PLXNB3: variants seen among roughly 807,000 people sequenced by gnomAD.
PLXNB3 encodes the protein plexin-B3.
Under a neutral mutation model 125.7 loss-of-function variants are expected in PLXNB3, and 80 were observed. The ratio of observed to expected loss-of-function variants is 0.64; its 90% CI spans 0.53 to 0.77. PLXNB3 has a LOEUF of 0.77. PLXNB3 is among the 30% of genes least tolerant of loss of function. The pLI, the probability that PLXNB3 is intolerant of heterozygous loss-of-function variation, is 0.00. For synonymous variants in PLXNB3, 954 were observed against 783.3 expected (o/e 1.22, Z -3.64); for missense variants, 1,836 against 1,729.3 (o/e 1.06, Z -1.09).
chrX:153,776,092 A>T lies in PLXNB3; in HGVS notation c.4607A>T (p.Gln1536Leu), dbSNP rs1414126396. The T allele has an allele frequency of 1.7e-6, 2 of 1,196,489 alleles. No individual in the cohort carries two copies. Among genetic ancestry groups the T allele is most frequent in the African/African-American group, 1.8e-5 (1 of 56,753 alleles). The change falls in exon 27 of 36, where the codon CAG becomes CTG. Residue 1536 changes from glutamine (Q) to leucine (L), a missense_variant. Coordinates refer to ENST00000361971, the MANE Select transcript of PLXNB3 (RefSeq NM_005393.3). ...AGGAAGSSEM[Q>L]RVPARVLDTD... ...GGGGCCGCAGGCAGCAGCGAGATGC[A>T]GCGCGTGCCAGCCCGGGTGCTCGAC...
chrX:153,768,916 T>G (rs782171654), intron 4 of PLXNB3, 32 bp from the exon 5 acceptor site: 3 of 1,197,323 alleles, frequency 2.5e-6, no homozygotes, highest in Non-Finnish European at 3.4e-6. Flanking sequence ...TTTGGCCATC[T>G]GGCCCAGCCT....
At position 153,774,821 on chromosome X, in the gene PLXNB3, G is replaced by T. The variant is rs369592915; in HGVS notation, c.3931+15G>T. ...GGAGTTCACAGGTGGGTGCGGAGGCGGGGGGACAGGGTACCCACGAGGCCT... is the reference window on the plus strand; with the variant it reads ...GGAGTTCACAGGTGGGTGCGGAGGCTGGGGGACAGGGTACCCACGAGGCCT... On this transcript the variant is annotated intron_variant, in intron 23 of 35. Coordinates refer to ENST00000361971, the MANE Select transcript of PLXNB3 (RefSeq NM_005393.3). The T allele has an allele frequency of 8.3e-7, 1 of 1,209,079 alleles. No individual in the cohort carries two copies.
chrX:153,772,880 C>G lies in PLXNB3; in HGVS notation c.2776-6C>G. 1 of 1,119,762 alleles carries G rather than the reference C, an allele frequency of 8.9e-7. No homozygotes were observed. The highest frequency in any genetic ancestry group is 1.2e-6 in the Non-Finnish European group (1 of 856,274). The allele number at this position is 1,119,762 out of a possible 1,213,427, so 92.3% of individuals were successfully genotyped here. On this transcript the variant is annotated splice_polypyrimidine_tract_variant and splice_region_variant and intron_variant, in intron 16 of 35. Coordinates refer to ENST00000361971, the MANE Select transcript of PLXNB3 (RefSeq NM_005393.3). ...CCGTGCCTACCCAGCCTGCGCTGTT[C>G]GCCAGGACCCTGTCCTGCTGAGCCT...
chrX:153,767,309 G>T lies in PLXNB3; in HGVS notation c.482G>T (p.Gly161Val), dbSNP rs1557059599. Reference sequence around the variant, plus strand: ...TACCAGGCTGAGGACCCTGGTGACGGGCAGTTTGTGGCTGCCAATACCCCG... The same window carrying T: ...TACCAGGCTGAGGACCCTGGTGACGTGCAGTTTGTGGCTGCCAATACCCCG... ...VLYQAEDPGD[G>V]QFVAANTPGV... The change falls in exon 3 of 36, where the codon GGG (glycine) becomes GTG (valine). Residue 161 changes from glycine (G) to valine (V), a missense_variant. By Grantham distance (109) the Gly-to-Val change is moderately radical (BLOSUM62 -3). Transcript: ENST00000361971. 1 of 1,205,282 alleles carries T rather than the reference G, an allele frequency of 8.3e-7. No homozygotes were observed. The highest frequency in any genetic ancestry group is 2.2e-5 in the Admixed American group (1 of 45,568).
rs1557063575 is a variant in PLXNB3 at position 153,775,079 on chromosome X, C to G, written c.4131C>G (p.Leu1377=). The change falls in exon 24 of 36, where the codon CTC becomes CTG. Residue 1377 remains leucine, a synonymous_variant. Coordinates refer to ENST00000361971, the MANE Select transcript of PLXNB3 (RefSeq NM_005393.3). ...RQGLTQLSNL[L]NSKLFLLTLI... ...GCCTCACGCAGCTCTCCAACCTGCT[C>G]AACAGCAAGCTCTTCCTCCTCACGG... 5.0e-6 allele frequency: 6 copies of G among 1,205,387 alleles called. No individual in the cohort carries two copies. The highest frequency in any genetic ancestry group is 6.7e-6 in the Non-Finnish European group (6 of 892,335).
In PLXNB3 at chrX:153,768,163, T is replaced by A. The variant is rs782369734; in HGVS notation, c.1087-86T>A. On this transcript the variant is annotated intron_variant, in intron 3 of 35. Coordinates refer to ENST00000361971, the MANE Select transcript of PLXNB3 (RefSeq NM_005393.3). ...TTGGGGTCATCCCAGGGTGCCTGGC[T>A]CTCCTCCCGCTGGCAGCCTGGGTAC... 4.0e-6 allele frequency: 4 copies of A among 997,762 alleles called. No homozygotes were observed. The African/African-American group carries it at 7.6e-5, about 19-fold the overall frequency. 82.2% of individuals were successfully genotyped at this position (997,762 alleles called of 1,213,427 possible).
In PLXNB3 at chrX:153,772,123, G is replaced by GGGTGGAGAAGGTGCGCTCGGTGGCAGCT. The variant is rs370958466; in HGVS notation, c.2670-54_2670-53insAGAAGGTGCGCTCGGTGGCAGCTGGTGG. The stretch of plus-strand genomic sequence containing the variant: ...ACCTGGGGCACTCGGGTCAGGGGAG[G>GGGTGGAGAAGGTGCGCTCGGTGGCAGCT]GGTGGGCTGTCCCCTCCGTCCCTGA... On this transcript the variant is annotated intron_variant, in intron 15 of 35. Coordinates refer to ENST00000361971, the MANE Select transcript of PLXNB3 (RefSeq NM_005393.3). 44 of 1,136,614 alleles carry GGGTGGAGAAGGTGCGCTCGGTGGCAGCT rather than the reference G, an allele frequency of 3.9e-5. No homozygotes were observed. The African/African-American group carries it at 7.8e-4, about 20-fold the overall frequency. The allele number at this position is 1,136,614 out of a possible 1,213,427, so 93.7% of individuals were successfully genotyped here.
At position 153,773,719 on chromosome X, in the gene PLXNB3, C is replaced by T. The variant is rs2091957257; in HGVS notation, c.3279+6C>T. ...TCGGTGGGGGGCTGCTGCAGGTGAG[C>T]CCCTCACCAGCAGGCGACAAGGCTG... On this transcript the variant is annotated splice_donor_region_variant and intron_variant, in intron 19 of 35. Coordinates refer to ENST00000361971, the MANE Select transcript of PLXNB3 (RefSeq NM_005393.3). 2 of 1,164,628 alleles carry T rather than the reference C, an allele frequency of 1.7e-6. No individual in the cohort carries two copies. Among genetic ancestry groups the T allele is most frequent in the South Asian group, 2.0e-5 (1 of 50,970 alleles).
rs781968139 is a variant in PLXNB3, at chrX:153,771,076, C to G, written c.2248C>G (p.His750Asp). 1.3e-5 allele frequency: 16 copies of G among 1,199,262 alleles called. No homozygotes were observed. The highest frequency in any genetic ancestry group is 1.4e-5 in the Non-Finnish European group (12 of 886,150). Residue 750 changes from histidine to aspartate, a missense_variant, in exon 12 of 36, where the codon CAC becomes GAC. Transcript: ENST00000361971. ...TTCAGGCCTCATCCACTGCCAGGCC[C>G]ACCAGGTGAGTGGCTGCCTTCCAAA... Reference protein sequence around the residue: ...GDSGLIHCQAHQFYPSMSQRE... With the variant: ...GDSGLIHCQADQFYPSMSQRE...
Position 153,771,979 on chromosome X carries a change from G to A in PLXNB3, c.2633G>A (p.Cys878Tyr). The A allele has an allele frequency of 8.3e-7, 1 of 1,205,052 alleles. No individual in the cohort carries two copies. The highest frequency in any genetic ancestry group is 1.1e-6 in the Non-Finnish European group (1 of 892,318). ...QYAVSVASRP[C>Y]NPEPSLYRTS... is the part of the protein sequence containing the mutation. ...GCCGTGAGCGTGGCCAGCCGGCCCT[G>A]CAACCCTGAGCCCTCTCTCTACCGC... The change falls in exon 15 of 36, where the codon TGC becomes TAC. Residue 878 changes from cysteine (C) to tyrosine (Y), a missense_variant. By Grantham distance (194) the Cys-to-Tyr change is radical. Transcript: ENST00000361971.
Position 153,777,071 on chromosome X carries a change from A to G in PLXNB3, c.4927+91A>G, listed in dbSNP as rs782591568. 2.0e-5 allele frequency: 19 copies of G among 940,129 alleles called. No homozygotes were observed. The South Asian group carries it at 4.5e-4, about 22-fold the overall frequency. The allele number at this position is 940,129 out of a possible 1,213,427, so 77.5% of individuals were successfully genotyped here. A position where few individuals can be genotyped will look rare whatever the true frequency, so the allele number is the denominator to read the frequency against. ...TGCATCTGCCTCAACTTCATCCCCC[A>G]CCCCACCGAGATCTTCTGCCCATCT... is the stretch of plus-strand genomic sequence containing the variant. On this transcript the variant is annotated intron_variant, in intron 29 of 35. Coordinates refer to ENST00000361971, the MANE Select transcript of PLXNB3 (RefSeq NM_005393.3).
Position 153,767,203 on chromosome X carries a change from G to A in PLXNB3, c.376G>A (p.Ala126Thr), listed in dbSNP as rs34360382. The A allele has an allele frequency of 0.021, 25,839 of 1,204,033 alleles. 231 individuals carry two copies. Among genetic ancestry groups the A allele is most frequent in the Middle Eastern group, 0.099 (428 of 4,328 alleles). The change falls in exon 3 of 36, where the codon GCC (alanine) becomes ACC (threonine). Residue 126 changes from alanine to threonine, a missense_variant. Coordinates refer to ENST00000361971, the MANE Select transcript of PLXNB3 (RefSeq NM_005393.3). The stretch of plus-strand genomic sequence containing the variant: ...CCAGCTGCTGCTGGTGAGCAGCCGC[G>A]CCCAGGAGCTGGTGGCCTGCGGGCA... The part of the protein sequence containing the change: ...ANQLLLVSSR[A>T]QELVACGQVR...
Position 153,774,325 on chromosome X carries a change from C to G in PLXNB3, c.3659C>G (p.Ser1220Cys). 8.6e-7 allele frequency: 1 copy of G among 1,160,606 alleles called. No homozygotes were observed. The highest frequency in any genetic ancestry group is 1.9e-5 in the South Asian group (1 of 52,922). The change falls in exon 21 of 36, where the codon TCC (serine) becomes TGC (cysteine). Residue 1220 changes from serine (S) to cysteine (C), a missense_variant. Transcript: ENST00000361971. Reference protein sequence around the residue: ...PAHAPQPANGSGLPQFVVQMG... With the variant: ...PAHAPQPANGCGLPQFVVQMG... ...CACGCCCCGCAGCCTGCCAATGGCTCCGGCCTGCCACAGTTCGTGGTGAGT... is the reference window on the plus strand; with the variant it reads ...CACGCCCCGCAGCCTGCCAATGGCTGCGGCCTGCCACAGTTCGTGGTGAGT...
intron 2 of PLXNB3, 43 bp downstream of exon 2, chrX:153,765,623 G>T: frequency 8.5e-7 from 1 of 1,170,300 alleles, no homozygotes; most frequent in Non-Finnish European, 1.1e-6. Context: ...TTCCTGGGAG[G>T]GGCAGGGTAG....
chrX:153,775,853 G>T (rs202113937), intron 26 of PLXNB3, 34 bp from the exon 27 acceptor site: 1 of 1,182,222 alleles, frequency 8.5e-7, no homozygotes, highest in African/African-American at 1.7e-5. Flanking sequence ...ATCCTCCCTC[G>T]CTTGGCTGAT....
At chrX:153,766,845 C>T (rs370403352) in intron 2 of PLXNB3, 28 bp from the exon 3 acceptor site, 4 of 1,159,933 alleles carry the variant, frequency 3.4e-6, no homozygotes, top group Non-Finnish European at 4.6e-6. Flanking sequence ...CTTGCGCTCC[C>T]ACTGCCCTGA....
In PLXNB3 at chrX:153,770,588, C is replaced by T. The variant is rs782715021; in HGVS notation, c.1956C>T (p.Cys652=). 11 of 1,210,602 alleles carry T rather than the reference C, an allele frequency of 9.1e-6. No individual in the cohort carries two copies. Among genetic ancestry groups the T allele is most frequent in the South Asian group, 3.5e-5 (2 of 56,950 alleles). ...RCHWCPQSSH[C]VYGEHCPEGE... is the part of the protein sequence containing the mutation. Reference sequence around the variant, plus strand: ...ACTGGTGCCCGCAGAGTAGCCACTGCGTGTACGGAGAGCACTGCCCAGAGG... The same window carrying T: ...ACTGGTGCCCGCAGAGTAGCCACTGTGTGTACGGAGAGCACTGCCCAGAGG... Residue 652 remains cysteine (C), a synonymous_variant, in exon 10 of 36, where the codon TGC becomes TGT. Coordinates refer to ENST00000361971, the MANE Select transcript of PLXNB3 (RefSeq NM_005393.3).
rs782219684 is a variant in PLXNB3, at chrX:153,770,254, T to C, written c.1786+6T>C. ...ACTTAACCCTCCAGGCACAGGTGAG[T>C]GGCCCATGGGGTAGGGGGCTGGGAT... On this transcript the variant is annotated splice_donor_region_variant and intron_variant, in intron 8 of 35. Transcript: ENST00000361971. 1 of 1,209,649 alleles carries C rather than the reference T, an allele frequency of 8.3e-7. No individual in the cohort carries two copies. Among genetic ancestry groups the C allele is most frequent in the East Asian group, 3.0e-5 (1 of 33,819 alleles).
intron 2 of PLXNB3, 86 bp downstream of exon 2, chrX:153,765,666 C>A: frequency 8.6e-7 from 1 of 1,162,290 alleles, no homozygotes; most frequent in Non-Finnish European, 1.1e-6. Context: ...CCAGGACATA[C>A]AGGCTGCAGC....
Sources: allele counts gnomAD v4.1 joint callset, GRCh38; gene constraint gnomAD v4.1.1; transcripts MANE v1.5; gene names NCBI Gene and HGNC (gene_info 2026-07-23, HGNC 2026-07-21).